The following SCIN variants were observed in gnomAD, a reference collection of about 807,000 sequenced individuals.
The protein encoded by SCIN is scinderin, also known as adseverin.
SCIN carries 91 observed loss-of-function variants against 91.8 expected under a neutral mutation model. That is an observed-to-expected ratio of 0.99 (90% CI 0.84 to 1.18). The LOEUF (loss-of-function observed/expected upper bound fraction) is 1.18. Ranked by LOEUF, SCIN falls within the 50% of genes most tolerant of loss-of-function variation. SCIN has a pLI of 0.00. For synonymous variants in SCIN, 367 were observed against 312.6 expected, an observed-to-expected ratio of 1.17 and a Z score of -1.84; for missense variants, 1,087 against 863.9, an observed-to-expected ratio of 1.26 and a Z score of -3.24.
chr7:12,645,093 G>A (rs995217038), intron 13 of SCIN, among the ~76,000 whole-genome samples: 14 of 151,670 alleles, frequency 9.2e-5, no homozygotes, highest in African/African-American at 2.7e-4. Flanking sequence ...GCTGAGACGG[G>A]TGTATCACGA....
rs1346727162 is a variant in SCIN at position 12,653,917 on chromosome 7, C to A, written c.*1202C>A. On this transcript the variant is annotated 3_prime_UTR_variant, in exon 16 of 16. Transcript: ENST00000297029. The surrounding 1 kb of genome is among the most constrained non-coding windows in gnomAD (Gnocchi z 4.1). ...TGATTCTATTCCATTCCATTCTATT[C>A]TATTCTATTATTTCATTCTATTTTA... is the stretch of plus-strand genomic sequence containing the variant. The A allele has an allele frequency of 6.6e-6, 1 of 152,126 alleles. No individual in the cohort carries two copies. The highest frequency in any genetic ancestry group is 2.4e-5 in the African/African-American group (1 of 41,426). The allele number at this position is 152,126 out of a possible 1,614,324, so 9.4% of individuals were successfully genotyped here. A position where few individuals can be genotyped will look rare whatever the true frequency, so the allele number is the denominator to read the frequency against.
intron 3 of SCIN, among the ~76,000 whole-genome samples, chr7:12,601,812 T>G (rs1409818180): frequency 6.6e-6 from 1 of 152,234 alleles, no homozygotes; most frequent in Admixed American, 6.5e-5. Flanking sequence ...AATTATATTA[T>G]TCTATGTCTT....
chr7:12,635,944 T>C (rs569180927), intron 9 of SCIN, 101 bp from the exon 10 acceptor site: 1 of 841,314 alleles, frequency 1.2e-6, no homozygotes, highest in South Asian at 1.5e-5. Flanking sequence ...AGTTCGCTTC[T>C]TCTTGATCTT....
At chr7:12,626,083 G>A in intron 7 of SCIN, 2 of 465,390 alleles carry the variant, frequency 4.3e-6, no homozygotes, top group East Asian at 3.6e-5. Context: ...TTCCTCCACA[G>A]CCTTTAATTC....
intron 3 of SCIN, among the ~76,000 whole-genome samples, chr7:12,587,806 T>C (rs912776405): frequency 2.0e-5 from 3 of 152,166 alleles, no homozygotes; most frequent in Admixed American, 2.0e-4. Context: ...CCTACTTTTT[T>C]CAGTCTTCTT....
Position 12,657,553 on chromosome 7 carries a change from TATATATATATATATATA to T in SCIN, c.*4839_*4855del, listed in dbSNP as rs1374545595. On this transcript the variant is annotated 3_prime_UTR_variant, in exon 16 of 16. Transcript: ENST00000297029. The stretch of plus-strand genomic sequence containing the variant: ...ATATGTGTGTGTATATATATATATA[TATATATATATATATATA>T]TATTTTTTTTTTTTTTTTTTTTTTT... The T allele has an allele frequency of 1.2e-3, 24 of 19,906 alleles. No individual in the cohort carries two copies. The highest frequency in any genetic ancestry group is 2.5e-3 in the Admixed American group (4 of 1,602). The allele number at this position is 19,906 out of a possible 1,614,324, so 1.2% of individuals were successfully genotyped here.
intron 2 of SCIN, among the ~76,000 whole-genome samples, chr7:12,580,348 G>C (rs1295135102): frequency 6.6e-6 from 1 of 152,082 alleles, no homozygotes; most frequent in Non-Finnish European, 1.5e-5. Flanking sequence ...AGTTGATACA[G>C]TTAATATCTT....
At chr7:12,611,629 C>T (rs998236439) in intron 4 of SCIN, among the ~76,000 whole-genome samples, 1 of 152,088 alleles carries the variant, frequency 6.6e-6, no homozygotes, top group African/African-American at 2.4e-5. Context: ...AGGGTTGTAT[C>T]GAATGAACCA....
At chr7:12,638,356 G>A (rs973762777) in intron 10 of SCIN, among the ~76,000 whole-genome samples, 11 of 152,138 alleles carry the variant, frequency 7.2e-5, no homozygotes, top group Non-Finnish European at 1.6e-4. Context: ...CCTGCCTGTT[G>A]TCTTTGGCCA....
intron 3 of SCIN, among the ~76,000 whole-genome samples, chr7:12,601,762 C>T (rs1327543382): frequency 6.6e-6 from 1 of 152,204 alleles, no homozygotes; most frequent in Non-Finnish European, 1.5e-5. Context: ...TTTGTGCAAA[C>T]ACAGAGCCAG....
intron 4 of SCIN, among the ~76,000 whole-genome samples, chr7:12,614,976 G>A (rs184885323): frequency 7.5e-4 from 114 of 152,260 alleles, no homozygotes; most frequent in Non-Finnish European, 1.3e-3. Context: ...CTTTACAGAT[G>A]AGGAAACTGA....
At chr7:12,637,475 A>T (rs968389104) in intron 10 of SCIN, among the ~76,000 whole-genome samples, 1 of 152,048 alleles carries the variant, frequency 6.6e-6, no homozygotes, top group Non-Finnish European at 1.5e-5. Flanking sequence ...AGGGACAAAG[A>T]GAAAAGACAG....
chr7:12,616,811 C>A (rs1412318064), intron 4 of SCIN, among the ~76,000 whole-genome samples: 1 of 152,134 alleles, frequency 6.6e-6, no homozygotes, highest in Non-Finnish European at 1.5e-5. Flanking sequence ...ACATCATAGA[C>A]AACACAATTG....
At chr7:12,571,425 C>T (rs1357737607) in intron 1 of SCIN, 1 of 349,818 alleles carries the variant, frequency 2.9e-6, no homozygotes, top group Non-Finnish European at 5.7e-6. Flanking sequence ...GGGCATCTGC[C>T]GCCGCTAGGA....
chr7:12,623,679 A>G lies in SCIN; in HGVS notation c.759+786A>G, dbSNP rs533336208. Among the ~76,000 whole-genome samples, 16 of 152,302 alleles carry G rather than the reference A, an allele frequency of 1.1e-4. 1 individual carries two copies. The South Asian group carries it at 1.7e-3, about 16-fold the overall frequency. ...GATCGTAAATCTCCATGCAGAATTT[A>G]GTAGTTTTCTCATCTGTAACAGAAA... On this transcript the variant is annotated intron_variant, in intron 5 of 15. Transcript: ENST00000297029.
chr7:12,590,466 C>T (rs543537029), intron 3 of SCIN, among the ~76,000 whole-genome samples: 10 of 151,848 alleles, frequency 6.6e-5, no homozygotes, highest in Admixed American at 6.6e-5. Context: ...GGTATGGGGG[C>T]GCACACTGAT....
intron 11 of SCIN, among the ~76,000 whole-genome samples, chr7:12,641,775 C>A (rs1203866145): frequency 1.3e-5 from 2 of 152,054 alleles, no homozygotes; most frequent in South Asian, 4.1e-4. Flanking sequence ...ATCCATGAAC[C>A]CGCTGCCTCC....
At position 12,657,548 on chromosome 7, in the gene SCIN, ATATATATATATATATATATATATATTTTT is replaced by A. The variant is rs1784184543; in HGVS notation, c.*4835_*4863del. On this transcript the variant is annotated 3_prime_UTR_variant, in exon 16 of 16. Coordinates refer to ENST00000297029, the MANE Select transcript of SCIN (RefSeq NM_001112706.3). ...TTTATATATGTGTGTGTATATATATATATATATATATATATATATATATATTTTTTTTTTTTTTTTTTTTTTTTTTGCAT... is the reference window on the plus strand; with the variant it reads ...TTTATATATGTGTGTGTATATATATATTTTTTTTTTTTTTTTTTTTTGCAT... 2.2e-4 allele frequency: 4 copies of A among 17,956 alleles called. 1 individual carries two copies. Among genetic ancestry groups the A allele is most frequent in the Non-Finnish European group, 5.4e-4 (4 of 7,360 alleles). The allele number at this position is 17,956 out of a possible 1,614,324, so 1.1% of individuals were successfully genotyped here.
At position 12,651,840 on chromosome 7, in the gene SCIN, G is replaced by C. The variant is rs758671310; in HGVS notation, c.1960-1G>C. On this transcript the variant is annotated splice_acceptor_variant, in intron 14 of 15. Coordinates refer to ENST00000297029, the MANE Select transcript of SCIN (RefSeq NM_001112706.3). LOFTEE classifies it high-confidence loss of function. The surrounding 1 kb of genome is among the most constrained non-coding windows in gnomAD (Gnocchi z 5.9). Reference sequence around the variant, plus strand: ...CATATTGTTATTGTTTCATTTTTCAGATATTTATTTGGATTGGCAAAGATG... The same window carrying C: ...CATATTGTTATTGTTTCATTTTTCACATATTTATTTGGATTGGCAAAGATG... 3.8e-6 allele frequency: 6 copies of C among 1,571,654 alleles called. No homozygotes were observed. The highest frequency in any genetic ancestry group is 2.3e-5 in the South Asian group (2 of 87,234).
Sources: allele counts gnomAD v4.1 joint callset (sites outside exome capture counted in the v4.1 genomes callset), GRCh38; gene constraint gnomAD v4.1.1; non-coding constraint Gnocchi (gnomAD v3.1); transcripts MANE v1.5; gene names NCBI Gene and HGNC (gene_info 2026-07-23, HGNC 2026-07-21).